The following ITGB5 variants were observed in gnomAD, a reference collection of about 807,000 sequenced individuals.
ITGB5 encodes integrin subunit beta 5.
In ITGB5, 38 loss-of-function variants were observed where a neutral mutation model predicts 84.8. The ratio of observed to expected loss-of-function variants is 0.45; its 90% CI spans 0.35 to 0.59. The LOEUF is 0.59. Among genes scored for constraint, ITGB5 ranks in the 20% least tolerant of loss-of-function variants. The pLI is 0.01. For missense variants in ITGB5, 905 were observed against 1,034.5 expected, an observed-to-expected ratio of 0.87 and a Z score of 1.72; for synonymous variants, 393 against 414.4, an observed-to-expected ratio of 0.95 and a Z score of 0.63.
At chr3:124,811,879 G>A (rs944727685) in intron 8 of ITGB5, among the ~76,000 whole-genome samples, 1 of 152,158 alleles carries the variant, frequency 6.6e-6, no homozygotes, top group East Asian at 1.9e-4. Context: ...ACCGGGTGCA[G>A]GCTTTCTTGA....
chr3:124,815,758 A>G (rs2064580284), intron 8 of ITGB5, among the ~76,000 whole-genome samples: 2 of 152,204 alleles, frequency 1.3e-5, no homozygotes, highest in South Asian at 4.1e-4. Flanking sequence ...ATGCAGGCTC[A>G]CATCCCAAAC....
In ITGB5 at chr3:124,809,149, C is replaced by A; in HGVS notation, c.1136G>T (p.Arg379Leu). Residue 379 changes from arginine to leucine, a missense_variant, in exon 9 of 15, where the codon CGG (arginine) becomes CTG (leucine). This residue lies in a region of ITGB5 where 656 missense variants were observed against 734.7 expected (regional missense o/e 0.89). Coordinates refer to ENST00000296181, the MANE Select transcript of ITGB5 (RefSeq NM_002213.5). ...CCAGACTGACAACTCCACTTTAGACCGGATACTCTGAATGGAGAGAGAAAA... is the reference window on the plus strand; with the variant it reads ...CCAGACTGACAACTCCACTTTAGACAGGATACTCTGAATGGAGAGAGAAAA... ...QLIINAYNSIRSKVELSVWDQ... is the reference protein window; with the variant it reads ...QLIINAYNSILSKVELSVWDQ... 1 of 1,613,936 alleles carries A rather than the reference C, an allele frequency of 6.2e-7. No homozygotes were observed. Among genetic ancestry groups the A allele is most frequent in the Non-Finnish European group, 8.5e-7 (1 of 1,179,980 alleles).
chr3:124,852,430 C>T (rs548864976), intron 3 of ITGB5, among the ~76,000 whole-genome samples: 2 of 151,958 alleles, frequency 1.3e-5, no homozygotes, highest in African/African-American at 2.4e-5. Flanking sequence ...GGCAGCCCCC[C>T]TCATGTCCTT....
chr3:124,762,403 C>T lies in ITGB5; in HGVS notation c.*1220G>A, dbSNP rs907358505. 3.3e-5 allele frequency: 5 copies of T among 152,206 alleles called. No individual in the cohort carries two copies. Among genetic ancestry groups the T allele is most frequent in the African/African-American group, 1.2e-4 (5 of 41,460 alleles). 9.4% of individuals were successfully genotyped at this position (152,206 alleles called of 1,614,324 possible). On this transcript the variant is annotated 3_prime_UTR_variant, in exon 15 of 15. Transcript: ENST00000296181. Reference sequence around the variant, plus strand: ...AGTAACCTCCTAACAAACACTCGGGCAAGCCACTTCCCCTCTCTGAGAATC... The same window carrying T: ...AGTAACCTCCTAACAAACACTCGGGTAAGCCACTTCCCCTCTCTGAGAATC...
intron 5 of ITGB5, among the ~76,000 whole-genome samples, chr3:124,832,542 G>A (rs1217084277): frequency 1.3e-5 from 2 of 152,240 alleles, no homozygotes; most frequent in Non-Finnish European, 1.5e-5. Flanking sequence ...TCACCAGGAA[G>A]CAAGAGACCA....
At chr3:124,835,550 G>A (rs1448473902) in intron 5 of ITGB5, among the ~76,000 whole-genome samples, 1 of 152,190 alleles carries the variant, frequency 6.6e-6, no homozygotes, top group East Asian at 1.9e-4. Context: ...ATCAAGCCCC[G>A]GAAACCTGTG....
At chr3:124,890,165 C>T (rs1198883296), upstream of ITGB5, among the ~76,000 whole-genome samples, 4 of 150,616 alleles carry the variant, frequency 2.7e-5, no homozygotes, top group East Asian at 2.0e-4. Flanking sequence ...TAAATACTGC[C>T]TTAATAACTA....
At chr3:124,779,929 C>T (rs1407822209) in intron 10 of ITGB5, among the ~76,000 whole-genome samples, 1 of 152,144 alleles carries the variant, frequency 6.6e-6, no homozygotes, top group African/African-American at 2.4e-5. Flanking sequence ...GAGGCCATGC[C>T]CAGTCGGAAG....
intron 4 of ITGB5, among the ~76,000 whole-genome samples, chr3:124,846,300 T>C (rs1294389110): frequency 6.6e-6 from 1 of 152,066 alleles, no homozygotes; most frequent in Non-Finnish European, 1.5e-5. Flanking sequence ...CTCTCTCCCC[T>C]TGGTGGCAGC....
At chr3:124,864,134 G>A (rs1363502542) in intron 2 of ITGB5, among the ~76,000 whole-genome samples, 3 of 99,132 alleles carry the variant, frequency 3.0e-5, no homozygotes, top group African/African-American at 1.2e-4. Flanking sequence ...TTGAGATGGA[G>A]TCTTGCTCTG....
intron 13 of ITGB5, 148 bp downstream of exon 13, chr3:124,766,077 GA>G: frequency 1.7e-6 from 1 of 603,680 alleles, no homozygotes; most frequent in Non-Finnish European, 2.5e-6. Context: ...AAAAAAAAAA[GA>G]AAAAGAAGAA....
intron 3 of ITGB5, among the ~76,000 whole-genome samples, chr3:124,858,331 A>G (rs2065247687): frequency 1.3e-5 from 2 of 152,162 alleles, no homozygotes; most frequent in South Asian, 4.1e-4. Context: ...TCCTTGCAGA[A>G]TGCTACAGAC....
chr3:124,873,734 G>A (rs1934168654), intron 1 of ITGB5, among the ~76,000 whole-genome samples: 1 of 152,076 alleles, frequency 6.6e-6, no homozygotes, highest in African/African-American at 2.4e-5. Flanking sequence ...AAGCATGCAC[G>A]CTTGTGTTAG....
chr3:124,858,075 A>C (rs1322577916), intron 3 of ITGB5, among the ~76,000 whole-genome samples: 1 of 151,602 alleles, frequency 6.6e-6, no homozygotes, highest in Non-Finnish European at 1.5e-5. Flanking sequence ...TGAAGGTTGC[A>C]ATGAGCCAAG....
chr3:124,876,154 CCA>C (rs1934302400), intron 1 of ITGB5, among the ~76,000 whole-genome samples: 1 of 152,040 alleles, frequency 6.6e-6, no homozygotes, highest in African/African-American at 2.4e-5. Flanking sequence ...AATACTCTCA[CCA>C]CACAGACACA....
At chr3:124,773,985 C>T in intron 10 of ITGB5, 73 bp from the exon 11 acceptor site, 5 of 1,339,982 alleles carry the variant, frequency 3.7e-6, no homozygotes, top group Middle Eastern at 4.1e-4. Flanking sequence ...TGGTGCCCCA[C>T]ATGCCAGGAC....
Position 124,886,937 on chromosome 3 carries a change from G to A in ITGB5, c.64C>T (p.Leu22Phe). 1 of 1,213,130 alleles carries A rather than the reference G, an allele frequency of 8.2e-7. No individual in the cohort carries two copies. Among genetic ancestry groups the A allele is most frequent in the African/African-American group, 1.6e-5 (1 of 63,540 alleles). 75.1% of individuals were successfully genotyped at this position (1,213,130 alleles called of 1,614,324 possible). Residue 22 changes from leucine (L) to phenylalanine (F), a missense_variant, in exon 1 of 15, where the codon CTC (leucine) becomes TTC (phenylalanine). Around this residue, in one of 3 missense-constraint regions of ITGB5, gnomAD observed 656 missense variants for 734.7 expected, o/e 0.89. Transcript: ENST00000296181. ...LLGLCALLPR[L>F]AGLNICTSGS... Reference sequence around the variant, plus strand: ...CGTGGGCGGCGCGGCTTACCTGCGAGCCGGGGCAGGAGCGCGCAGAGCCCC... The same window carrying A: ...CGTGGGCGGCGCGGCTTACCTGCGAACCGGGGCAGGAGCGCGCAGAGCCCC...
intron 5 of ITGB5, among the ~76,000 whole-genome samples, chr3:124,828,039 T>C (rs1293676614): frequency 6.8e-6 from 1 of 147,074 alleles, no homozygotes; most frequent in African/African-American, 2.6e-5. Context: ...TCAGCCTGCC[T>C]GCACCCAGGT....
At chr3:124,863,049 G>C (rs768114251) in intron 2 of ITGB5, 1 of 152,290 alleles carries the variant, frequency 6.6e-6, no homozygotes, top group Non-Finnish European at 1.5e-5. Context: ...ACCAAAGTTA[G>C]ATTTCTTCTC....
Sources: gnomAD v4.1 joint callset for allele counts (sites outside exome capture counted in the v4.1 genomes callset) on GRCh38, gnomAD v4.1.1 for gene constraint, gnomAD v4.1.1 regional missense constraint, MANE v1.5 for transcripts, NCBI Gene and HGNC (gene_info 2026-07-23, HGNC 2026-07-21) for gene names.